CHSY3: variants seen among roughly 807,000 people sequenced by gnomAD.
CHSY3 encodes N-acetylgalactosaminyl-proteoglycan 3-beta-glucuronosyltransferase 3.
In CHSY3, 35 loss-of-function variants were observed where a neutral mutation model predicts 67.2. The observed-to-expected ratio is 0.52, with a 90% CI of 0.40 to 0.69. The LOEUF (loss-of-function observed/expected upper bound fraction) is 0.69. Among genes scored for constraint, CHSY3 ranks in the 30% least tolerant of loss-of-function variants. The pLI, the probability that CHSY3 is intolerant of heterozygous loss-of-function variation, is 0.00. For synonymous variants in CHSY3, 474 were observed against 434.7 expected (o/e 1.09, Z -1.12); for missense variants, 1,069 against 1,138.5 (o/e 0.94, Z 0.88).
chr5:129,959,651 T>C (rs1762275228), intron 2 of CHSY3, among the ~76,000 whole-genome samples: 1 of 152,128 alleles, frequency 6.6e-6, no homozygotes, highest in African/African-American at 2.4e-5. Context: ...AGAAGCAAGA[T>C]TATAAATAAG....
At chr5:130,120,034 T>G (rs1453951845) in intron 2 of CHSY3, among the ~76,000 whole-genome samples, 1 of 152,204 alleles carries the variant, frequency 6.6e-6, no homozygotes, top group Non-Finnish European at 1.5e-5. Flanking sequence ...TATACACATT[T>G]AAACATTAAA....
Position 130,073,732 on chromosome 5 carries a change from A to T in CHSY3, c.1087-110497A>T, listed in dbSNP as rs115997084. ...AAAATGTCATCATTGGCTAAACTTT[A>T]TTGAAATCAACTGAATCTTACATTG... is the stretch of plus-strand genomic sequence containing the variant. On this transcript the variant is annotated intron_variant, in intron 2 of 2. Coordinates refer to ENST00000305031, the MANE Select transcript of CHSY3 (RefSeq NM_175856.5). Among the ~76,000 whole-genome samples, 139 of 152,278 alleles carry T rather than the reference A, an allele frequency of 9.1e-4. 1 individual carries two copies. The highest frequency in any genetic ancestry group is 1.8e-3 in the Admixed American group (27 of 15,288).
intron 2 of CHSY3, among the ~76,000 whole-genome samples, chr5:130,091,780 T>G (rs1766888826): frequency 6.6e-6 from 1 of 152,166 alleles, no homozygotes; most frequent in Admixed American, 6.5e-5. Context: ...CAAAAAGCAC[T>G]TCAGGAAAAT....
intron 2 of CHSY3, among the ~76,000 whole-genome samples, chr5:130,039,832 T>G (rs567377561): frequency 1.6e-4 from 25 of 152,212 alleles, no homozygotes; most frequent in African/African-American, 5.8e-4. Flanking sequence ...CTGTGAAAAC[T>G]TCCCCCTAAA....
chr5:130,156,919 A>G (rs2149726298), intron 2 of CHSY3, among the ~76,000 whole-genome samples: 1 of 152,364 alleles, frequency 6.6e-6, no homozygotes, highest in Non-Finnish European at 1.5e-5. Context: ...TATCATTGTT[A>G]TGGCAGCTGT....
intron 2 of CHSY3, among the ~76,000 whole-genome samples, chr5:129,908,819 G>A (rs1251305525): frequency 6.6e-6 from 1 of 151,790 alleles, no homozygotes; most frequent in Non-Finnish European, 1.5e-5. Flanking sequence ...AAGTTTCTTT[G>A]GATATTTTCC....
chr5:129,995,934 T>C (rs1050634873), intron 2 of CHSY3, among the ~76,000 whole-genome samples: 24 of 151,994 alleles, frequency 1.6e-4, no homozygotes, highest in Non-Finnish European at 2.2e-4. Context: ...CCATTTTCCA[T>C]CTCTCTCTTC....
At position 129,908,469 on chromosome 5, in the gene CHSY3, AAGTGATAGTAGC is replaced by A. The variant is rs1202693058; in HGVS notation, c.1086+112_1086+123del. The A allele has an allele frequency of 1.1e-4, 160 of 1,453,954 alleles. No individual in the cohort carries two copies. In the African/African-American group the frequency reaches 2.1e-3, roughly 19 times the overall value. 90.1% of individuals were successfully genotyped at this position (1,453,954 alleles called of 1,614,324 possible). Reference sequence around the variant, plus strand: ...TCTCTGTATCTTTGTATTTACTTGAAAGTGATAGTAGCAGCCCTTAAGGGATACAAGAGTGGG... The same window carrying A: ...TCTCTGTATCTTTGTATTTACTTGAAAGCCCTTAAGGGATACAAGAGTGGG... On this transcript the variant is annotated intron_variant, in intron 2 of 2. Coordinates refer to ENST00000305031, the MANE Select transcript of CHSY3 (RefSeq NM_175856.5).
At chr5:129,915,235 A>C (rs1438432879) in intron 2 of CHSY3, among the ~76,000 whole-genome samples, 1 of 152,200 alleles carries the variant, frequency 6.6e-6, no homozygotes, top group Non-Finnish European at 1.5e-5. Context: ...CAGCTGAGTT[A>C]CATGAGTCAT....
At chr5:130,124,133 A>C (rs1733638305) in intron 2 of CHSY3, among the ~76,000 whole-genome samples, 1 of 152,034 alleles carries the variant, frequency 6.6e-6, no homozygotes, top group African/African-American at 2.4e-5. Flanking sequence ...GGATTAAGAA[A>C]AGTTAAATGA....
intron 2 of CHSY3, among the ~76,000 whole-genome samples, chr5:130,132,114 C>T (rs1331297815): frequency 1.3e-5 from 2 of 152,156 alleles, no homozygotes; most frequent in Non-Finnish European, 2.9e-5. Context: ...AACTAATATA[C>T]TCTTTTCCCT....
intron 2 of CHSY3, among the ~76,000 whole-genome samples, chr5:130,124,789 C>T (rs1399313369): frequency 6.6e-6 from 1 of 152,104 alleles, no homozygotes; most frequent in Non-Finnish European, 1.5e-5. Context: ...AACCATGGCA[C>T]ATGTATTCCT....
intron 2 of CHSY3, among the ~76,000 whole-genome samples, chr5:130,159,555 G>T (rs746411080): frequency 6.6e-6 from 1 of 152,122 alleles, no homozygotes; most frequent in South Asian, 2.1e-4. Context: ...TTTACTTATT[G>T]TGCAGCCTCT....
At chr5:130,038,432 T>A (rs1176231184) in intron 2 of CHSY3, among the ~76,000 whole-genome samples, 2 of 152,160 alleles carry the variant, frequency 1.3e-5, no homozygotes, top group African/African-American at 4.8e-5. Context: ...TATGACTTTT[T>A]AAATAGAGGC....
chr5:130,099,544 G>A (rs576088443), intron 2 of CHSY3, among the ~76,000 whole-genome samples: 14 of 152,262 alleles, frequency 9.2e-5, no homozygotes, highest in South Asian at 8.3e-4. Context: ...GTCTGTACGC[G>A]AATGTGTGAG....
chr5:130,072,670 T>G (rs945713257), intron 2 of CHSY3, among the ~76,000 whole-genome samples: 5 of 152,178 alleles, frequency 3.3e-5, no homozygotes, highest in Admixed American at 6.5e-5. Flanking sequence ...ATGCAAACTT[T>G]AGGATTTTTT....
At chr5:130,035,838 C>T (rs1336270666) in intron 2 of CHSY3, among the ~76,000 whole-genome samples, 3 of 150,248 alleles carry the variant, frequency 2.0e-5, no homozygotes, top group African/African-American at 7.4e-5. Flanking sequence ...ACTGGCATTC[C>T]CAGGGTAATT....
At chr5:130,040,320 G>T (rs1479263318) in intron 2 of CHSY3, among the ~76,000 whole-genome samples, 4 of 152,114 alleles carry the variant, frequency 2.6e-5, no homozygotes, top group African/African-American at 9.7e-5. Context: ...TGCTGTCTTT[G>T]TCCAGCCGTG....
Position 129,930,506 on chromosome 5 carries a change from G to T in CHSY3, c.1086+22146G>T, listed in dbSNP as rs567601852. Reference sequence around the variant, plus strand: ...TAGATGTTTAAAAGGAGGCATCACTGGCGGGGGGGGGGTATGAAGTTTTGC... The same window carrying T: ...TAGATGTTTAAAAGGAGGCATCACTTGCGGGGGGGGGGTATGAAGTTTTGC... On this transcript the variant is annotated intron_variant, in intron 2 of 2. Coordinates refer to ENST00000305031, the MANE Select transcript of CHSY3 (RefSeq NM_175856.5). Among the ~76,000 whole-genome samples, 561 of 95,296 alleles carry T rather than the reference G, an allele frequency of 5.9e-3. 9 individuals are homozygous for T. Among genetic ancestry groups the T allele is most frequent in the African/African-American group, 0.023 (493 of 21,474 alleles). 62.5% of individuals were successfully genotyped at this position (95,296 alleles called of 152,430 possible).
Sources: allele counts gnomAD v4.1 joint callset (sites outside exome capture counted in the v4.1 genomes callset), GRCh38; gene constraint gnomAD v4.1.1; transcripts MANE v1.5; gene names NCBI Gene and HGNC (gene_info 2026-07-23, HGNC 2026-07-21).